PIK3R2: variants seen among roughly 807,000 people sequenced by gnomAD.
PIK3R2 encodes the protein phosphoinositide-3-kinase regulatory subunit 2.
In PIK3R2, 40 loss-of-function variants were observed where a neutral mutation model predicts 78.5. That is an observed-to-expected ratio of 0.51 (90% CI 0.40 to 0.66). The LOEUF (loss-of-function observed/expected upper bound fraction) is 0.66. Ranked by LOEUF, PIK3R2 falls within the 30% of genes least tolerant of loss-of-function variation. The pLI is 0.00. For missense variants in PIK3R2, 880 were observed against 1,026.6 expected (o/e 0.86, Z 1.95); for synonymous variants, 473 against 457.7 (o/e 1.03, Z -0.43).
intron 11 of PIK3R2, among the ~76,000 whole-genome samples, chr19:18,163,801 G>A (rs1400329579): frequency 6.9e-6 from 1 of 145,918 alleles, no homozygotes; most frequent in African/African-American, 2.5e-5. Context: ...CAGCCTGGGT[G>A]ACAGGGCACG....
At position 18,162,427 on chromosome 19, in the gene PIK3R2, C is replaced by T. The variant is rs1420219325; in HGVS notation, c.1030C>T (p.Leu344Phe). The T allele has an allele frequency of 6.2e-7, 1 of 1,613,394 alleles. No individual in the cohort carries two copies. The highest frequency in any genetic ancestry group is 8.5e-7 in the Non-Finnish European group (1 of 1,179,972). ...DISREEVNEK[L>F]RDTPDGTFLV... ...CCACAGGGAGGAGGTGAACGAGAAA[C>T]TCCGGGACACTCCCGATGGCACCTT... Residue 344 changes from leucine (L) to phenylalanine (F), a missense_variant, in exon 9 of 16, where the codon CTC (leucine) becomes TTC (phenylalanine). Leu to Phe is a conservative substitution (Grantham distance 22). This residue lies in a region of PIK3R2 where 156 missense variants were observed against 241.0 expected (regional missense o/e 0.65). Coordinates refer to ENST00000222254, the MANE Select transcript of PIK3R2 (RefSeq NM_005027.4).
chr19:18,154,013 C>A (rs913640760), intron 1 of PIK3R2, among the ~76,000 whole-genome samples: 1 of 152,176 alleles, frequency 6.6e-6, no homozygotes, highest in Admixed American at 6.5e-5. Flanking sequence ...ATGCTCAGAG[C>A]CTCCACCTGA....
In PIK3R2 at chr19:18,168,641, G is replaced by C; in HGVS notation, c.1809-85G>C. On this transcript the variant is annotated intron_variant, in intron 14 of 15. Transcript: ENST00000222254. The surrounding 1 kb of genome is among the most constrained non-coding windows in gnomAD (Gnocchi z 4.1). ...AGAATGAGTAGGAGTTCACCAGGGA[G>C]GAAAAGTTGTCCAGGCAGCTGGGGA... The C allele has an allele frequency of 1.7e-6, 2 of 1,199,586 alleles. No homozygotes were observed. Among genetic ancestry groups the C allele is most frequent in the Non-Finnish European group, 2.5e-6 (2 of 807,374 alleles). 74.3% of individuals were successfully genotyped at this position (1,199,586 alleles called of 1,614,324 possible). A position where few individuals can be genotyped will look rare whatever the true frequency, so the allele number is the denominator to read the frequency against.
chr19:18,166,579 T>C (rs2043812862), intron 12 of PIK3R2, among the ~76,000 whole-genome samples: 1 of 151,780 alleles, frequency 6.6e-6, no homozygotes, highest in Admixed American at 6.6e-5. Flanking sequence ...GGCATGATGG[T>C]GCGCACCTGT....
In PIK3R2 at chr19:18,162,072, T is replaced by C. The variant is rs755407480; in HGVS notation, c.901+21T>C. 1.9e-6 allele frequency: 3 copies of C among 1,608,046 alleles called. No individual in the cohort carries two copies. The East Asian group carries it at 6.7e-5, about 36-fold the overall frequency. On this transcript the variant is annotated intron_variant, in intron 7 of 15. Coordinates refer to ENST00000222254, the MANE Select transcript of PIK3R2 (RefSeq NM_005027.4). ...CCCAGGTGAGTCCCCTGTATTGCTG[T>C]CATTTCTTCCCGTTGGGGGCCGTAA... is the stretch of plus-strand genomic sequence containing the variant.
rs993499628 is a variant in PIK3R2 at position 18,161,427 on chromosome 19, C to T, written c.747C>T (p.Thr249=). The T allele has an allele frequency of 9.4e-5, 114 of 1,212,404 alleles. No individual in the cohort carries two copies. The highest frequency in any genetic ancestry group is 1.1e-4 in the Non-Finnish European group (111 of 977,746). 75.1% of individuals were successfully genotyped at this position (1,212,404 alleles called of 1,614,324 possible). The change falls in exon 6 of 16, where the codon ACC becomes ACT. Residue 249 remains threonine (T), a synonymous_variant. Coordinates refer to ENST00000222254, the MANE Select transcript of PIK3R2 (RefSeq NM_005027.4). The surrounding 1 kb of genome is among the most constrained non-coding windows in gnomAD (Gnocchi z 5.3). ...CCGCGGTCCGGGCCCTGGGCGCCAC[C>T]TTTGGGCCGCTGCTGCTGCGCGCGC... is the stretch of plus-strand genomic sequence containing the variant. ...LGPAVRALGA[T]FGPLLLRAPP...
In PIK3R2 at chr19:18,168,331, T is replaced by G; in HGVS notation, c.1737-144T>G. 1.6e-6 allele frequency: 1 copy of G among 639,916 alleles called. No homozygotes were observed. Among genetic ancestry groups the G allele is most frequent in the Non-Finnish European group, 2.8e-6 (1 of 351,054 alleles). The allele number at this position is 639,916 out of a possible 1,614,324, so 39.6% of individuals were successfully genotyped here. A position where few individuals can be genotyped will look rare whatever the true frequency, so the allele number is the denominator to read the frequency against. On this transcript the variant is annotated intron_variant, in intron 13 of 15. Coordinates refer to ENST00000222254, the MANE Select transcript of PIK3R2 (RefSeq NM_005027.4). This position sits in a 1 kb window ranked among gnomAD's most constrained non-coding sequence, Gnocchi z 4.1. ...TGGGTTCAGGCTGCCCTGAGCCAGG[T>G]CAGCTCTGCCCTCTTGTGGCAACCG... is the stretch of plus-strand genomic sequence containing the variant.
Position 18,168,411 on chromosome 19 carries a change from C to T in PIK3R2, c.1737-64C>T. The T allele has an allele frequency of 1.3e-6, 1 of 752,940 alleles. No homozygotes were observed. Among genetic ancestry groups the T allele is most frequent in the Non-Finnish European group, 2.5e-6 (1 of 404,326 alleles). The allele number at this position is 752,940 out of a possible 1,614,324, so 46.6% of individuals were successfully genotyped here. On this transcript the variant is annotated intron_variant, in intron 13 of 15. Coordinates refer to ENST00000222254, the MANE Select transcript of PIK3R2 (RefSeq NM_005027.4). This position sits in a 1 kb window ranked among gnomAD's most constrained non-coding sequence, Gnocchi z 4.1. ...CAGCCAGACCCTGCCTCCCACCGGA[C>T]AGGCCCACTGTGGGCTCAGCACCCA...
chr19:18,162,003 G>A lies in PIK3R2; in HGVS notation c.853G>A (p.Glu285Lys). 1 of 1,614,046 alleles carries A rather than the reference G, an allele frequency of 6.2e-7. No individual in the cohort carries two copies. Among genetic ancestry groups the A allele is most frequent in the Non-Finnish European group, 8.5e-7 (1 of 1,179,972 alleles). Reference sequence around the variant, plus strand: ...CCCTGACTTCCCGGCGCTGCTGGTGGAGAAGCTGCTTCAGGAACACTTGGA... The same window carrying A: ...CCCTGACTTCCCGGCGCTGCTGGTGAAGAAGCTGCTTCAGGAACACTTGGA... ...PSPDFPALLV[E>K]KLLQEHLEEQ... The change falls in exon 7 of 16, where the codon GAG becomes AAG. Residue 285 changes from glutamate (E) to lysine (K), a missense_variant. Glu to Lys is a moderately conservative substitution (Grantham distance 56). This residue lies in a region of PIK3R2 where 456 missense variants were observed against 486.6 expected (regional missense o/e 0.94). Transcript: ENST00000222254.
intron 11 of PIK3R2, among the ~76,000 whole-genome samples, chr19:18,164,901 TAA>T (rs111954526): frequency 1.1e-3 from 143 of 130,240 alleles, no homozygotes; most frequent in Middle Eastern, 3.7e-3. Flanking sequence ...CTCCCAAAGT[TAA>T]AAAAAAAAAA....
At position 18,168,728 on chromosome 19, in the gene PIK3R2, A is replaced by G. The variant is rs1278612757; in HGVS notation, c.1811A>G (p.Gln604Arg). Reference protein sequence around the residue: ...WLGIKNETEDQYALMEDEDDL... With the variant: ...WLGIKNETEDRYALMEDEDDL... ...CCCGCCACCGCCCCCCACCCCAGCC[A>G]GTACGCACTCATGGAGGACGAGGAC... The change falls in exon 15 of 16, where the codon CAG becomes CGG. Residue 604 changes from glutamine to arginine, a missense_variant and splice_region_variant. By Grantham distance (43) the Gln-to-Arg change is conservative (BLOSUM62 1). Transcript: ENST00000222254. This position sits in a 1 kb window ranked among gnomAD's most constrained non-coding sequence, Gnocchi z 4.1. 3 of 1,182,704 alleles carry G rather than the reference A, an allele frequency of 2.5e-6. No homozygotes were observed. Among genetic ancestry groups the G allele is most frequent in the Non-Finnish European group, 3.6e-6 (3 of 823,038 alleles). The allele number at this position is 1,182,704 out of a possible 1,614,324, so 73.3% of individuals were successfully genotyped here.
Position 18,161,049 on chromosome 19 carries a change from C to T in PIK3R2, c.467-5C>T, listed in dbSNP as rs776210671. 10 of 1,611,206 alleles carry T rather than the reference C, an allele frequency of 6.2e-6. No homozygotes were observed. Among genetic ancestry groups the T allele is most frequent in the Admixed American group, 5.0e-5 (3 of 59,690 alleles). ...AGTTGGACGTGTGCCCCCCTGCACC[C>T]GCAGACTGGTCCCTGAGCGACGTGG... On this transcript the variant is annotated splice_region_variant and splice_polypyrimidine_tract_variant and intron_variant, in intron 4 of 15. Transcript: ENST00000222254. This position sits in a 1 kb window ranked among gnomAD's most constrained non-coding sequence, Gnocchi z 5.3.
Position 18,161,363 on chromosome 19 carries a change from AC to A in PIK3R2, c.685del (p.Leu229TrpfsTer112). 7.8e-7 allele frequency: 1 copy of A among 1,278,586 alleles called. No homozygotes were observed. The highest frequency in any genetic ancestry group is 2.6e-5 in the South Asian group (1 of 38,314). The allele number at this position is 1,278,586 out of a possible 1,614,324, so 79.2% of individuals were successfully genotyped here. A position where few individuals can be genotyped will look rare whatever the true frequency, so the allele number is the denominator to read the frequency against. ...CTCACGCTGCGCTTCCTGCTCCAGC[AC>A]CTGGGCCGCGTGGCCAGCCGCGCCC... is the stretch of plus-strand genomic sequence containing the variant. ...RALTLRFLLQHLGRVASRAPA... is the reference protein window; with the variant it reads ...RALTLRFLLQXLGRVASRAPA... On this transcript the variant is annotated frameshift_variant, in exon 6 of 16. Transcript: ENST00000222254. LOFTEE classifies it high-confidence loss of function. The surrounding 1 kb of genome is among the most constrained non-coding windows in gnomAD (Gnocchi z 5.3).
chr19:18,165,124 C>G (rs911347403), intron 11 of PIK3R2, among the ~76,000 whole-genome samples: 19 of 151,344 alleles, frequency 1.3e-4, no homozygotes, highest in African/African-American at 4.6e-4. Context: ...AATCCCAGCA[C>G]TTTGGGAGGC....
rs970376751 is a variant in PIK3R2 at position 18,170,308 on chromosome 19, T to C, written c.*1014T>C. ...CGCCGCAGTGGCCAAGTTGCGACAC[T>C]GCCCACGGCCCCTCCCTCTGATGCA... On this transcript the variant is annotated 3_prime_UTR_variant, in exon 16 of 16. Coordinates refer to ENST00000222254, the MANE Select transcript of PIK3R2 (RefSeq NM_005027.4). 6.6e-6 allele frequency: 1 copy of C among 152,368 alleles called. No individual in the cohort carries two copies. Among genetic ancestry groups the C allele is most frequent in the Admixed American group, 6.5e-5 (1 of 15,302 alleles). The allele number at this position is 152,368 out of a possible 1,614,324, so 9.4% of individuals were successfully genotyped here.
At position 18,167,103 on chromosome 19, in the gene PIK3R2, C is replaced by T; in HGVS notation, c.1560-27C>T. 2.0e-6 allele frequency: 3 copies of T among 1,530,348 alleles called. No homozygotes were observed. Among genetic ancestry groups the T allele is most frequent in the South Asian group, 2.5e-5 (2 of 79,478 alleles). The allele number at this position is 1,530,348 out of a possible 1,614,324, so 94.8% of individuals were successfully genotyped here. ...GTGAGCCGAGATAAAACCCTGAGGTCTCTGCGCCACCCCACCCCTCCCACA... is the reference window on the plus strand; with the variant it reads ...GTGAGCCGAGATAAAACCCTGAGGTTTCTGCGCCACCCCACCCCTCCCACA... On this transcript the variant is annotated intron_variant, in intron 12 of 15. Coordinates refer to ENST00000222254, the MANE Select transcript of PIK3R2 (RefSeq NM_005027.4). The surrounding 1 kb of genome is among the most constrained non-coding windows in gnomAD (Gnocchi z 4.5).
Position 18,169,457 on chromosome 19 carries a change from C to G in PIK3R2, c.*163C>G. 2.7e-6 allele frequency: 1 copy of G among 365,226 alleles called. No individual in the cohort carries two copies. Among genetic ancestry groups the G allele is most frequent in the Non-Finnish European group, 4.9e-6 (1 of 204,312 alleles). The allele number at this position is 365,226 out of a possible 1,614,324, so 22.6% of individuals were successfully genotyped here. On this transcript the variant is annotated 3_prime_UTR_variant, in exon 16 of 16. Coordinates refer to ENST00000222254, the MANE Select transcript of PIK3R2 (RefSeq NM_005027.4). ...TCACCCTCTTTCTCTTTCCTTCCCT[C>G]CCCCATTCTCCAGATCTCCCTCTGT...
Position 18,155,909 on chromosome 19 carries a change from C to T in PIK3R2, c.30C>T (p.Arg10=), listed in dbSNP as rs1213935106. The T allele has an allele frequency of 7.7e-6, 12 of 1,562,774 alleles. No individual in the cohort carries two copies. The highest frequency in any genetic ancestry group is 4.8e-5 in the East Asian group (2 of 41,878). The change falls in exon 2 of 16, where the codon CGC becomes CGT. Residue 10 remains arginine (R), a synonymous_variant. Transcript: ENST00000222254. ...CGGGCCCTGAGGGCTTCCAGTACCGCGCTCTGTACCCGTTCCGCCGGGAGC... is the reference window on the plus strand; with the variant it reads ...CGGGCCCTGAGGGCTTCCAGTACCGTGCTCTGTACCCGTTCCGCCGGGAGC... The part of the protein sequence containing the change: MAGPEGFQY[R]ALYPFRRERP...
At position 18,169,274 on chromosome 19, in the gene PIK3R2, C is replaced by T; in HGVS notation, c.2167C>T (p.Pro723Ser). 6.6e-7 allele frequency: 1 copy of T among 1,508,156 alleles called. No homozygotes were observed. The highest frequency in any genetic ancestry group is 8.8e-7 in the Non-Finnish European group (1 of 1,134,792). 93.4% of individuals were successfully genotyped at this position (1,508,156 alleles called of 1,614,324 possible). A position where few individuals can be genotyped will look rare whatever the true frequency, so the allele number is the denominator to read the frequency against. ...AHPVRAPGPG[P>S]PPAAR is the part of the protein sequence containing the mutation. ...CCCAGTGCGCGCCCCGGGCCCCGGC[C>T]CGCCGCCTGCCGCCCGCTGAGCACC... Residue 723 changes from proline to serine, a missense_variant, in exon 16 of 16, where the codon CCG becomes TCG. Transcript: ENST00000222254.
Sources: gnomAD v4.1 joint callset for allele counts (sites outside exome capture counted in the v4.1 genomes callset) on GRCh38, gnomAD v4.1.1 for gene constraint, gnomAD v4.1.1 regional missense constraint, Gnocchi (gnomAD v3.1) non-coding constraint, MANE v1.5 for transcripts, NCBI Gene and HGNC (gene_info 2026-07-23, HGNC 2026-07-21) for gene names.